The following MATCAP2 variants were observed in gnomAD, a reference collection of about 807,000 sequenced individuals.
MATCAP2 encodes putative tyrosine carboxypeptidase MATCAP2.
the MATCAP2 span, among the ~76,000 whole-genome samples, chr7:36,374,218 A>G: frequency 6.6e-6 from 1 of 151,862 alleles, no homozygotes; most frequent in Non-Finnish European, 1.5e-5. Context: ...AGCTGGAGGT[A>G]CAGGCATGAG....
the MATCAP2 span, among the ~76,000 whole-genome samples, chr7:36,359,595 G>A: frequency 1.3e-5 from 2 of 152,346 alleles, no homozygotes; most frequent in South Asian, 4.1e-4. Flanking sequence ...ATATGTGTAA[G>A]TTTAGAGATA....
the MATCAP2 span, among the ~76,000 whole-genome samples, chr7:36,384,826 G>T: frequency 6.7e-6 from 1 of 149,494 alleles, no homozygotes; most frequent in East Asian, 2.0e-4. Flanking sequence ...ATTTTTTTAT[G>T]ACCAGAAAAA....
the MATCAP2 span, among the ~76,000 whole-genome samples, chr7:36,329,688 A>G: frequency 6.6e-6 from 1 of 152,218 alleles, no homozygotes; most frequent in African/African-American, 2.4e-5. Context: ...GAAGATCTCT[A>G]TTTTGTTACC....
At chr7:36,330,942 C>T in the MATCAP2 span, 1 of 1,142,712 alleles carries the variant, frequency 8.8e-7, no homozygotes, top group Non-Finnish European at 1.3e-6. Flanking sequence ...GAATGCTGAT[C>T]TGGGGTGTTC....
the MATCAP2 span, chr7:36,357,100 T>G: frequency 6.2e-7 from 1 of 1,614,216 alleles, no homozygotes. Context: ...TTTCAAAGCT[T>G]CTAGACAGCT....
the MATCAP2 span, chr7:36,335,145 G>C: frequency 6.2e-7 from 1 of 1,613,888 alleles, no homozygotes; most frequent in South Asian, 1.1e-5. Context: ...ATTGACGCTC[G>C]GGAAAGCAGG....
chr7:36,389,205 C>T, the MATCAP2 span, among the ~76,000 whole-genome samples: 10 of 152,142 alleles, frequency 6.6e-5, no homozygotes, highest in South Asian at 1.7e-3. Flanking sequence ...GGATTAGAGG[C>T]ACGCGCCACC....
At chr7:36,354,772 A>T in the MATCAP2 span, among the ~76,000 whole-genome samples, 1 of 152,244 alleles carries the variant, frequency 6.6e-6, no homozygotes, top group South Asian at 2.1e-4. Context: ...TGGCATTTGC[A>T]GTACAAGTCA....
chr7:36,357,486 C>T, the MATCAP2 span: 1 of 1,613,976 alleles, frequency 6.2e-7, no homozygotes, highest in Non-Finnish European at 8.5e-7. Context: ...TTTAGCACTC[C>T]CGAGGACAAA....
chr7:36,362,031 C>A, the MATCAP2 span, among the ~76,000 whole-genome samples: 12 of 152,300 alleles, frequency 7.9e-5, no homozygotes, highest in South Asian at 2.3e-3. Flanking sequence ...ACCAGGAAAC[C>A]TACCAGGTGC....
chr7:36,329,934 C>T, the MATCAP2 span, among the ~76,000 whole-genome samples: 11,712 of 152,110 alleles, frequency 0.077, 601 homozygotes, highest in East Asian at 0.14. Flanking sequence ...ATGGGAAATA[C>T]ACATCACTTA....
At chr7:36,384,364 G>C in the MATCAP2 span, among the ~76,000 whole-genome samples, 3 of 152,256 alleles carry the variant, frequency 2.0e-5, 1 homozygote, top group South Asian at 6.2e-4. Flanking sequence ...ATATAAATAA[G>C]TAGGGAAGAC....
the MATCAP2 span, chr7:36,330,843 CTT>C: frequency 1.9e-6 from 1 of 531,646 alleles, no homozygotes; most frequent in African/African-American, 1.9e-5. Context: ...TTTCTTCCCT[CTT>C]GATACGACAT....
At chr7:36,325,314 A>C in the MATCAP2 span, 1 of 152,256 alleles carries the variant, frequency 6.6e-6, no homozygotes, top group African/African-American at 2.4e-5. Context: ...GCTAAAAGCA[A>C]GATTCATGGT....
the MATCAP2 span, among the ~76,000 whole-genome samples, chr7:36,336,654 A>G: frequency 6.6e-6 from 1 of 152,188 alleles, no homozygotes; most frequent in Non-Finnish European, 1.5e-5. Context: ...AGGAGAACTC[A>G]GAGTGGAAGG....
At chr7:36,376,338 TTC>T in the MATCAP2 span, among the ~76,000 whole-genome samples, 4 of 152,234 alleles carry the variant, frequency 2.6e-5, no homozygotes, top group Admixed American at 2.6e-4. Flanking sequence ...CTGCCTTCAT[TTC>T]ATTATTTACC....
At chr7:36,361,130 A>C in the MATCAP2 span, among the ~76,000 whole-genome samples, 1 of 152,376 alleles carries the variant, frequency 6.6e-6, no homozygotes, top group Middle Eastern at 3.4e-3. Flanking sequence ...AGTTATCAAC[A>C]CAATGAAAAC....
chr7:36,367,258 C>CGCGCT, the MATCAP2 span: 2 of 1,070,700 alleles, frequency 1.9e-6, no homozygotes, highest in African/African-American at 3.3e-5. Flanking sequence ...GGGGTCCGCG[C>CGCGCT]GCGCTGCGCT....
At chr7:36,365,701 A>C in the MATCAP2 span, among the ~76,000 whole-genome samples, 1 of 152,234 alleles carries the variant, frequency 6.6e-6, no homozygotes, top group East Asian at 1.9e-4. Flanking sequence ...TCCGTCTCAA[A>C]AACAACAACA....
Sources: allele counts gnomAD v4.1 joint callset (sites outside exome capture counted in the v4.1 genomes callset), GRCh38; gene constraint gnomAD v4.1.1; transcripts MANE v1.5; gene names NCBI Gene and HGNC (gene_info 2026-07-23, HGNC 2026-07-21).